MFSD11: variants seen among roughly 807,000 people sequenced by gnomAD.
The protein encoded by MFSD11 is UNC93-like protein MFSD11.
MFSD11 carries 36 observed loss-of-function variants against 53.5 expected under a neutral mutation model. The ratio of observed to expected loss-of-function variants is 0.67; its 90% CI spans 0.52 to 0.89. MFSD11 has a LOEUF of 0.89. Ranked by LOEUF, MFSD11 falls within the 40% of genes least tolerant of loss-of-function variation. The probability of loss-of-function intolerance (pLI) is 0.00; values close to 1 mark genes in which losing one functional copy is unlikely to be tolerated. For synonymous variants in MFSD11, 186 were observed against 184.9 expected, an observed-to-expected ratio of 1.01 and a Z score of -0.05; for missense variants, 530 against 543.9, an observed-to-expected ratio of 0.97 and a Z score of 0.25.
chr17:76,738,861 T>C, intron 1 of MFSD11, 77 bp from the exon 2 acceptor site: 2 of 1,072,694 alleles, frequency 1.9e-6, no homozygotes, highest in Admixed American at 3.4e-5. Flanking sequence ...TCTTGCTGAG[T>C]ACTTGGAGTC....
At chr17:76,795,158 A>G in the MFSD11 span, among the ~76,000 whole-genome samples, 1 of 152,022 alleles carries the variant, frequency 6.6e-6, no homozygotes, top group Non-Finnish European at 1.5e-5. Context: ...AACTATTTAC[A>G]TAGCATTTAC....
chr17:76,745,816 T>TTTAC (rs2078485072), intron 7 of MFSD11, among the ~76,000 whole-genome samples: 1 of 150,418 alleles, frequency 6.6e-6, no homozygotes, highest in Non-Finnish European at 1.5e-5. Context: ...TATTTACTTA[T>TTTAC]TTATTTATTT....
At chr17:76,791,757 T>A in the MFSD11 span, among the ~76,000 whole-genome samples, 3 of 149,262 alleles carry the variant, frequency 2.0e-5, 1 homozygote, top group Non-Finnish European at 4.5e-5. Context: ...ACCCTTTGAC[T>A]TAGGAACCAT....
At chr17:76,737,231 C>T, upstream of MFSD11, 1 of 1,463,966 alleles carries the variant, frequency 6.8e-7, no homozygotes, top group Non-Finnish European at 9.1e-7. Context: ...TGCGACGCCG[C>T]GCCTCTCAGG....
At chr17:76,748,310 A>C (rs1252941627) in intron 7 of MFSD11, among the ~76,000 whole-genome samples, 2 of 152,116 alleles carry the variant, frequency 1.3e-5, no homozygotes, top group Non-Finnish European at 2.9e-5. Context: ...GAAGCTGTTG[A>C]GGGTATAAGT....
At chr17:76,771,111 G>A (rs1401899610) in intron 10 of MFSD11, among the ~76,000 whole-genome samples, 1 of 152,202 alleles carries the variant, frequency 6.6e-6, no homozygotes, top group East Asian at 1.9e-4. Context: ...CCTGAAGTGG[G>A]AGTGAAAGGG....
chr17:76,790,012 G>T, the MFSD11 span, among the ~76,000 whole-genome samples: 2 of 149,556 alleles, frequency 1.3e-5, no homozygotes, highest in African/African-American at 4.9e-5. Flanking sequence ...GGGTTATTTT[G>T]GTTGGGTTTC....
intron 7 of MFSD11, among the ~76,000 whole-genome samples, chr17:76,749,772 C>A (rs1305355658): frequency 2.6e-5 from 4 of 151,652 alleles, no homozygotes; most frequent in Non-Finnish European, 4.4e-5. Context: ...TGCCTGTAAT[C>A]CCAGCTACTC....
intron 10 of MFSD11, chr17:76,773,164 T>C (rs1182368303): frequency 6.6e-6 from 1 of 152,418 alleles, no homozygotes; most frequent in African/African-American, 2.4e-5. Flanking sequence ...TGGAATTGTT[T>C]TTCTGTGTAG....
chr17:76,739,661 G>A (rs182982293), intron 2 of MFSD11, among the ~76,000 whole-genome samples: 285 of 152,244 alleles, frequency 1.9e-3, no homozygotes, highest in African/African-American at 6.5e-3. Context: ...TGGCTACATT[G>A]AGCTGTAGAA....
At chr17:76,772,667 G>A (rs569652690) in intron 10 of MFSD11, among the ~76,000 whole-genome samples, 5 of 151,680 alleles carry the variant, frequency 3.3e-5, no homozygotes, top group East Asian at 2.0e-4. Context: ...ACAGGCAACC[G>A]CTACCACGCC....
intron 7 of MFSD11, among the ~76,000 whole-genome samples, chr17:76,747,076 ATTTCAAC>A (rs1380036135): frequency 1.3e-5 from 2 of 152,006 alleles, no homozygotes; most frequent in Non-Finnish European, 2.9e-5. Context: ...TGCCTGGCTA[ATTTCAAC>A]TTTCAAGTCT....
At chr17:76,791,541 G>A in the MFSD11 span, among the ~76,000 whole-genome samples, 1 of 149,008 alleles carries the variant, frequency 6.7e-6, no homozygotes, top group East Asian at 1.9e-4. Context: ...AAAAACAGAT[G>A]TTTTCTTCTC....
Position 76,778,486 on chromosome 17 carries a change from T to C in MFSD11, c.*134T>C. ...TGGAAAATCAAGGGATTAAGACTGT[T>C]AAATCAGCCAGAGTTGGTGTTCAAG... On this transcript the variant is annotated 3_prime_UTR_variant, in exon 13 of 13. Coordinates refer to ENST00000685175, the MANE Select transcript of MFSD11 (RefSeq NM_001242532.5). 1 of 830,486 alleles carries C rather than the reference T, an allele frequency of 1.2e-6. No individual in the cohort carries two copies. Among genetic ancestry groups the C allele is most frequent in the Non-Finnish European group, 1.9e-6 (1 of 538,976 alleles). 51.4% of individuals were successfully genotyped at this position (830,486 alleles called of 1,614,324 possible).
Position 76,741,900 on chromosome 17 carries a change from T to C in MFSD11, c.261-69T>C, listed in dbSNP as rs192230048. 2.0e-5 allele frequency: 33 copies of C among 1,610,456 alleles called. No individual in the cohort carries two copies. In the African/African-American group the frequency reaches 4.1e-4, roughly 20 times the overall value. ...AGAAGAGAATGTCAGAACTGATTCCTAGAAGGCATAATTGGCATTCTATTT... is the reference window on the plus strand; with the variant it reads ...AGAAGAGAATGTCAGAACTGATTCCCAGAAGGCATAATTGGCATTCTATTT... On this transcript the variant is annotated intron_variant, in intron 3 of 12. Transcript: ENST00000685175.
At chr17:76,740,001 C>G (rs2077901793) in intron 2 of MFSD11, among the ~76,000 whole-genome samples, 1 of 149,284 alleles carries the variant, frequency 6.7e-6, no homozygotes, top group Non-Finnish European at 1.5e-5. Context: ...CCCGTCTGTA[C>G]TAAAAATACA....
At chr17:76,740,086 A>C (rs1363343678) in intron 2 of MFSD11, among the ~76,000 whole-genome samples, 2 of 151,370 alleles carry the variant, frequency 1.3e-5, no homozygotes, top group Admixed American at 1.3e-4. Context: ...AGGCAAGAGA[A>C]TGGCGTGAAC....
chr17:76,799,027 C>CAAAAAA, the MFSD11 span: 2 of 99,108 alleles, frequency 2.0e-5, no homozygotes, highest in African/African-American at 7.7e-5. Context: ...AACTCCATCT[C>CAAAAAA]AAAAAAAAAA....
At chr17:76,737,008 G>A (rs774394478), upstream of MFSD11, 5 of 1,613,486 alleles carry the variant, frequency 3.1e-6, no homozygotes, top group South Asian at 1.1e-5. Flanking sequence ...GGGACTCCTT[G>A]GTGTAGCGGT....
Sources: gnomAD v4.1 joint callset for allele counts (sites outside exome capture counted in the v4.1 genomes callset) on GRCh38, gnomAD v4.1.1 for gene constraint, MANE v1.5 for transcripts, NCBI Gene and HGNC (gene_info 2026-07-23, HGNC 2026-07-21) for gene names.